The following FAM110B variants were observed in gnomAD, a reference collection of about 807,000 sequenced individuals.
The protein encoded by FAM110B is protein FAM110B.
Under a neutral mutation model 20.4 loss-of-function variants are expected in FAM110B, and 6 were observed. The observed-to-expected ratio is 0.29, with a 90% confidence interval of 0.16 to 0.58. FAM110B has a LOEUF of 0.58. Ranked by LOEUF, FAM110B falls within the 20% of genes least tolerant of loss-of-function variation. FAM110B has a pLI of 0.90. For synonymous variants in FAM110B, 226 were observed against 214.1 expected (o/e 1.06, Z -0.49); for missense variants, 434 against 498.2 (o/e 0.87, Z 1.23).
chr8:58,125,293 AGCCAT>A (rs1293495224), intron 3 of FAM110B, among the ~76,000 whole-genome samples: 2 of 152,206 alleles, frequency 1.3e-5, no homozygotes, highest in Non-Finnish European at 2.9e-5. Context: ...GGCTGCAGTG[AGCCAT>A]GGTCCCGCCA....
chr8:58,125,989 A>G (rs557016194), intron 3 of FAM110B, among the ~76,000 whole-genome samples: 51 of 152,290 alleles, frequency 3.3e-4, no homozygotes, highest in African/African-American at 1.2e-3. Context: ...TCATTTTATC[A>G]CTTGCATAGA....
intron 3 of FAM110B, among the ~76,000 whole-genome samples, chr8:58,125,191 T>C (rs1807465610): frequency 6.6e-6 from 1 of 151,946 alleles, no homozygotes; most frequent in Non-Finnish European, 1.5e-5. Context: ...CCACAAAAAA[T>C]ATAAAAATTA....
intron 3 of FAM110B, among the ~76,000 whole-genome samples, chr8:58,112,895 C>T (rs1391859680): frequency 6.6e-6 from 1 of 152,172 alleles, no homozygotes; most frequent in Non-Finnish European, 1.5e-5. Flanking sequence ...CCTTGAGTAG[C>T]TTAAACTACA....
chr8:58,029,153 T>C (rs1804915790), intron 1 of FAM110B, among the ~76,000 whole-genome samples: 1 of 152,204 alleles, frequency 6.6e-6, no homozygotes, highest in Non-Finnish European at 1.5e-5. Context: ...ACGAATTCAG[T>C]CTGAACTGAT....
intron 2 of FAM110B, among the ~76,000 whole-genome samples, chr8:58,053,922 C>T (rs552165579): frequency 6.6e-6 from 1 of 152,232 alleles, no homozygotes; most frequent in South Asian, 2.1e-4. Flanking sequence ...AATTGGGAAG[C>T]CCCTGAACCA....
chr8:58,045,613 G>C (rs1156842872), intron 2 of FAM110B, among the ~76,000 whole-genome samples: 1 of 152,110 alleles, frequency 6.6e-6, no homozygotes, highest in Non-Finnish European at 1.5e-5. Context: ...TGACAGACAT[G>C]TTTCATAGTT....
intron 2 of FAM110B, among the ~76,000 whole-genome samples, chr8:58,065,858 C>T (rs1182204416): frequency 1.3e-5 from 2 of 152,228 alleles, no homozygotes; most frequent in South Asian, 4.2e-4. Flanking sequence ...AATTTTAAAG[C>T]CGTGTTCAGG....
intron 3 of FAM110B, among the ~76,000 whole-genome samples, chr8:58,120,733 T>A (rs1807339458): frequency 6.6e-6 from 1 of 152,210 alleles, no homozygotes. Flanking sequence ...TTCCCTCATT[T>A]AAAGTACATG....
chr8:58,087,341 T>C (rs1057351321), intron 3 of FAM110B, among the ~76,000 whole-genome samples: 1 of 152,190 alleles, frequency 6.6e-6, no homozygotes, highest in African/African-American at 2.4e-5. Flanking sequence ...TCCAGTTCTC[T>C]GATTTAAGGC....
chr8:58,041,828 A>G (rs1805227525), intron 2 of FAM110B, among the ~76,000 whole-genome samples: 1 of 152,260 alleles, frequency 6.6e-6, no homozygotes, highest in Non-Finnish European at 1.5e-5. Context: ...TTTCAGCTGT[A>G]GGACTCACTA....
chr8:58,144,433 A>G (rs1045947884), intron 3 of FAM110B, among the ~76,000 whole-genome samples: 4 of 152,218 alleles, frequency 2.6e-5, no homozygotes, highest in Non-Finnish European at 4.4e-5. Context: ...TGAGGTATCA[A>G]AATAGAACCG....
At chr8:58,071,012 A>T (rs1158732532) in intron 2 of FAM110B, among the ~76,000 whole-genome samples, 1 of 152,226 alleles carries the variant, frequency 6.6e-6, no homozygotes, top group Non-Finnish European at 1.5e-5. Flanking sequence ...TTTTCGTCTC[A>T]TGGCTTTGTT....
chr8:58,084,425 C>T (rs1806278816), intron 3 of FAM110B, among the ~76,000 whole-genome samples: 2 of 148,992 alleles, frequency 1.3e-5, no homozygotes, highest in Admixed American at 1.3e-4. Context: ...GAGTCTCACT[C>T]TGTCACCAGG....
chr8:58,084,854 T>C (rs1302594144), intron 3 of FAM110B, among the ~76,000 whole-genome samples: 1 of 152,086 alleles, frequency 6.6e-6, no homozygotes, highest in Non-Finnish European at 1.5e-5. Context: ...ATTTTATGGA[T>C]CATTACCAAG....
chr8:58,098,737 G>C (rs915542090), intron 3 of FAM110B, among the ~76,000 whole-genome samples: 1 of 152,010 alleles, frequency 6.6e-6, no homozygotes, highest in Non-Finnish European at 1.5e-5. Flanking sequence ...GTAGTATCTC[G>C]GCTGGAATGC....
rs142832971 is a variant in FAM110B, at chr8:58,035,770, A to G, written c.-414+4067A>G. On this transcript the variant is annotated intron_variant, in intron 2 of 3. Coordinates refer to ENST00000519262, the MANE Select transcript of FAM110B (RefSeq NM_001377989.1). Reference sequence around the variant, plus strand: ...AGAAAGACATTGTAGTGGGAGTAACATGTGCATTTGAGTGCAGTGATAGTG... The same window carrying G: ...AGAAAGACATTGTAGTGGGAGTAACGTGTGCATTTGAGTGCAGTGATAGTG... 2.6e-3 allele frequency among the ~76,000 whole-genome samples: 397 copies of G among 152,318 alleles called. 1 individual carries two copies. Among genetic ancestry groups the G allele is most frequent in the African/African-American group, 8.8e-3 (365 of 41,574 alleles).
At chr8:58,024,058 G>T (rs1002101498) in intron 1 of FAM110B, among the ~76,000 whole-genome samples, 1 of 151,914 alleles carries the variant, frequency 6.6e-6, no homozygotes, top group Non-Finnish European at 1.5e-5. Context: ...TTTCTATCTT[G>T]GCTTAACATT....
In FAM110B at chr8:58,086,385, A is replaced by G. The variant is rs559404554; in HGVS notation, c.-325+10762A>G. Among the ~76,000 whole-genome samples, 10 of 152,188 alleles carry G rather than the reference A, an allele frequency of 6.6e-5. No individual in the cohort carries two copies. The East Asian group carries it at 1.7e-3, about 26-fold the overall frequency. On this transcript the variant is annotated intron_variant, in intron 3 of 3. Transcript: ENST00000519262. ...AATCTGCAACAATTTTGAATTTCTT[A>G]TTATATTTTATTAATAATACTTCAT...
At chr8:58,047,810 G>T (rs1352263903) in intron 2 of FAM110B, among the ~76,000 whole-genome samples, 2 of 151,910 alleles carry the variant, frequency 1.3e-5, no homozygotes, top group African/African-American at 4.8e-5. Context: ...AATGAATATT[G>T]ATATCTTAGG....
Sources: gnomAD v4.1 joint callset for allele counts (sites outside exome capture counted in the v4.1 genomes callset) on GRCh38, gnomAD v4.1.1 for gene constraint, MANE v1.5 for transcripts, NCBI Gene and HGNC (gene_info 2026-07-23, HGNC 2026-07-21) for gene names.